Variants in EGFR observed in about 807,000 individuals in gnomAD.
The protein encoded by EGFR is avian erythroblastic leukemia viral (v-erb-b) oncogene homolog.
Under a neutral mutation model 143.0 loss-of-function variants are expected in EGFR, and 58 were observed. That is an observed-to-expected ratio of 0.41 (90% CI 0.33 to 0.50). The LOEUF is 0.50. EGFR is among the 20% of genes least tolerant of loss of function. The pLI is 0.39. For missense variants in EGFR, 1,307 were observed against 1,579.0 expected (o/e 0.83, Z 2.92); for synonymous variants, 613 against 594.4 (o/e 1.03, Z -0.45).
At chr7:55,045,336 AAAAT>A (rs762616024) in intron 1 of EGFR, among the ~76,000 whole-genome samples, 3 of 152,260 alleles carry the variant, frequency 2.0e-5, no homozygotes, top group Non-Finnish European at 4.4e-5. Flanking sequence ...TGAGAATTTT[AAAAT>A]AAATTACGTA....
intron 13 of EGFR, among the ~76,000 whole-genome samples, chr7:55,162,824 G>A (rs1021472654): frequency 3.3e-5 from 5 of 152,114 alleles, no homozygotes; most frequent in African/African-American, 7.2e-5. Context: ...AGAGTCTCAC[G>A]CCATCACCCA....
rs750488858 is a variant in EGFR, at chr7:55,166,260, C to T, written c.1880+823C>T. On this transcript the variant is annotated intron_variant, in intron 15 of 27. Transcript: ENST00000275493. ...ATAAAGCTGTCAATCAAACTGGATC[C>T]CACTCAACAATCAGAAAGAGAAGTT... 10 of 562,524 alleles carry T rather than the reference C, an allele frequency of 1.8e-5. No homozygotes were observed. The East Asian group carries it at 3.1e-4, about 18-fold the overall frequency. 34.8% of individuals were successfully genotyped at this position (562,524 alleles called of 1,614,324 possible). A position where few individuals can be genotyped will look rare whatever the true frequency, so the allele number is the denominator to read the frequency against.
intron 24 of EGFR, 168 bp downstream of exon 24, chr7:55,200,581 C>A (rs2128970398): frequency 1.4e-6 from 1 of 716,018 alleles, no homozygotes; most frequent in Non-Finnish European, 2.5e-6. Context: ...ACATCGTGAA[C>A]TAAGCAGCAT....
At chr7:55,119,110 TA>T (rs1013924523) in intron 1 of EGFR, 4 of 152,186 alleles carry the variant, frequency 2.6e-5, no homozygotes, top group African/African-American at 9.6e-5. Context: ...ATCAAGACCT[TA>T]ATTTTCTAAT....
chr7:55,141,013 G>A (rs1224833395), intron 1 of EGFR, among the ~76,000 whole-genome samples: 1 of 152,226 alleles, frequency 6.6e-6, no homozygotes, highest in Non-Finnish European at 1.5e-5. Flanking sequence ...AAAGAAGCCT[G>A]TAAAATAGAA....
chr7:55,151,225 C>A (rs2128932277), intron 4 of EGFR, 69 bp from the exon 5 acceptor site: 1 of 1,476,014 alleles, frequency 6.8e-7, no homozygotes, highest in Non-Finnish European at 9.5e-7. Context: ...TTAACTCAGG[C>A]CCGGGAAAGG....
At chr7:55,097,783 A>G (rs1791566162) in intron 1 of EGFR, among the ~76,000 whole-genome samples, 1 of 152,024 alleles carries the variant, frequency 6.6e-6, no homozygotes, top group African/African-American at 2.4e-5. Flanking sequence ...AGATTCTGTA[A>G]TTTGCCTAAC....
intron 1 of EGFR, among the ~76,000 whole-genome samples, chr7:55,132,028 C>CTT (rs914434174): frequency 2.8e-5 from 4 of 142,006 alleles, no homozygotes; most frequent in African/African-American, 1.0e-4. Flanking sequence ...TTTTGGTTGT[C>CTT]TTTTTTTTTT....
intron 1 of EGFR, among the ~76,000 whole-genome samples, chr7:55,042,666 G>C (rs1175625622): frequency 6.6e-6 from 1 of 152,082 alleles, no homozygotes; most frequent in Non-Finnish European, 1.5e-5. Flanking sequence ...CACCAACCAG[G>C]TGATTTTTTT....
In EGFR at chr7:55,174,750, T is replaced by G. The variant is rs1488735128; in HGVS notation, c.2213T>G (p.Val738Gly). The change falls in exon 19 of 28, where the codon GTT becomes GGT. Residue 738 changes from valine to glycine, a missense_variant. Transcript: ENST00000275493. The stretch of plus-strand genomic sequence containing the variant: ...CTCTGGATCCCAGAAGGTGAGAAAG[T>G]TAAAATTCCCGTCGCTATCAAGGAA... ...KGLWIPEGEK[V>G]KIPVAIKELR... The G allele has an allele frequency of 1.2e-6, 2 of 1,614,040 alleles. No homozygotes were observed. The highest frequency in any genetic ancestry group is 1.7e-6 in the Non-Finnish European group (2 of 1,179,938).
chr7:55,203,257 TACAC>T (rs1326686687), intron 27 of EGFR, among the ~76,000 whole-genome samples: 8 of 140,930 alleles, frequency 5.7e-5, no homozygotes, highest in South Asian at 4.5e-4. Flanking sequence ...TATACACACA[TACAC>T]ACACCACACA....
intron 1 of EGFR, among the ~76,000 whole-genome samples, chr7:55,037,034 A>G (rs867838336): frequency 2.0e-5 from 3 of 152,090 alleles, no homozygotes; most frequent in Non-Finnish European, 4.4e-5. Context: ...AAACATGGGT[A>G]CTCTTGTTTG....
chr7:55,172,740 A>G, intron 16 of EGFR: 1 of 1,053,990 alleles, frequency 9.5e-7, no homozygotes, highest in Non-Finnish European at 1.4e-6. Flanking sequence ...GGTCCAGATA[A>G]AGCCTCAATT....
At position 55,192,665 on chromosome 7, in the gene EGFR, G is replaced by A. The variant is rs17337353; in HGVS notation, c.2626-101G>A. Reference sequence around the variant, plus strand: ...GACGGGTCCTGGGGTGATCTGGCTCGTCTGTGTGTGTCACTCGTAATTAGG... The same window carrying A: ...GACGGGTCCTGGGGTGATCTGGCTCATCTGTGTGTGTCACTCGTAATTAGG... On this transcript the variant is annotated intron_variant, in intron 21 of 27. Coordinates refer to ENST00000275493, the MANE Select transcript of EGFR (RefSeq NM_005228.5). 28 of 1,084,446 alleles carry A rather than the reference G, an allele frequency of 2.6e-5. 1 individual carries two copies. Among genetic ancestry groups the A allele is most frequent in the Middle Eastern group, 2.0e-4 (1 of 5,072 alleles). 67.2% of individuals were successfully genotyped at this position (1,084,446 alleles called of 1,614,324 possible).
intron 1 of EGFR, among the ~76,000 whole-genome samples, chr7:55,081,165 T>C (rs1790441367): frequency 6.6e-6 from 1 of 152,204 alleles, no homozygotes; most frequent in Admixed American, 6.5e-5. Flanking sequence ...CAGAAAGCAT[T>C]TTGAAACATA....
At chr7:55,154,998 C>CAGAT (rs1035166619) in intron 7 of EGFR, among the ~76,000 whole-genome samples, 1 of 152,032 alleles carries the variant, frequency 6.6e-6, no homozygotes, top group African/African-American at 2.4e-5. Context: ...AGTGATGACA[C>CAGAT]AGATATATCT....
intron 1 of EGFR, among the ~76,000 whole-genome samples, chr7:55,046,437 C>T (rs1788179101): frequency 6.6e-6 from 1 of 152,094 alleles, no homozygotes; most frequent in South Asian, 2.1e-4. Context: ...TCAGAGAGCC[C>T]ACTGTGGAAG....
Position 55,200,519 on chromosome 7 carries a change from G to A in EGFR, c.2946+106G>A, listed in dbSNP as rs575054535. The A allele has an allele frequency of 6.9e-6, 8 of 1,157,798 alleles. No homozygotes were observed. The South Asian group carries it at 7.6e-5, about 11-fold the overall frequency. 71.7% of individuals were successfully genotyped at this position (1,157,798 alleles called of 1,614,324 possible). ...GCCTGGCCTCCCTGTGTCCCAGATC[G>A]CATTATTAAACCCTCCAGCGCATTA... On this transcript the variant is annotated intron_variant, in intron 24 of 27. Coordinates refer to ENST00000275493, the MANE Select transcript of EGFR (RefSeq NM_005228.5).
At chr7:55,092,937 G>C (rs1034219977) in intron 1 of EGFR, among the ~76,000 whole-genome samples, 4 of 152,234 alleles carry the variant, frequency 2.6e-5, no homozygotes, top group Non-Finnish European at 4.4e-5. Flanking sequence ...GCATTTTTAA[G>C]AATAACCAAT....
Sources: gnomAD v4.1 joint callset for allele counts (sites outside exome capture counted in the v4.1 genomes callset) on GRCh38, gnomAD v4.1.1 for gene constraint, MANE v1.5 for transcripts, NCBI Gene and HGNC (gene_info 2026-07-23, HGNC 2026-07-21) for gene names.